Variants in GLB1L3 observed in about 807,000 individuals in gnomAD.
GLB1L3 encodes the protein beta-galactosidase-1-like protein 3.
A neutral mutation model predicts 89.5 loss-of-function variants in GLB1L3; 89 were observed. That is an observed-to-expected ratio of 0.99 (90% CI 0.84 to 1.19). The LOEUF (loss-of-function observed/expected upper bound fraction) is 1.19, where lower values mean the gene tolerates loss of function less well. Ranked by LOEUF, GLB1L3 falls within the 50% of genes most tolerant of loss-of-function variation. The pLI is 0.00. For missense variants in GLB1L3, 812 were observed against 813.3 expected (o/e 1.00, Z 0.02); for synonymous variants, 314 against 312.3 (o/e 1.01, Z -0.06).
intron 3 of GLB1L3, 81 bp from the exon 4 acceptor site, chr11:134,281,296 G>A: frequency 6.6e-7 from 1 of 1,514,926 alleles, no homozygotes; most frequent in Non-Finnish European, 9.2e-7. Context: ...GCATGGTTTT[G>A]GCTTGGATTT....
Position 134,313,434 on chromosome 11 carries a change from A to G in GLB1L3, c.1539A>G (p.Gly513=), listed in dbSNP as rs1942838729. 6.3e-7 allele frequency: 1 copy of G among 1,584,598 alleles called. No individual in the cohort carries two copies. Among genetic ancestry groups the G allele is most frequent in the Non-Finnish European group, 8.6e-7 (1 of 1,165,224 alleles). ...RYLRILVENQ[G]RVNFSWQIQN... is the part of the protein sequence containing the mutation. ...TGAGGATCCTGGTGGAGAATCAAGGACGAGTCAATTTTTCATGGCAAATAC... is the reference window on the plus strand; with the variant it reads ...TGAGGATCCTGGTGGAGAATCAAGGGCGAGTCAATTTTTCATGGCAAATAC... Residue 513 remains glycine, a synonymous_variant, in exon 16 of 20, where the codon GGA becomes GGG. Transcript: ENST00000431683.
At chr11:134,278,980 A>G (rs1940533943) in intron 3 of GLB1L3, among the ~76,000 whole-genome samples, 1 of 152,234 alleles carries the variant, frequency 6.6e-6, no homozygotes, top group Non-Finnish European at 1.5e-5. Context: ...CACACATTAC[A>G]TACACACAGA....
intron 9 of GLB1L3, among the ~76,000 whole-genome samples, chr11:134,302,810 G>C (rs536461885): frequency 1.3e-5 from 2 of 152,220 alleles, no homozygotes; most frequent in African/African-American, 4.8e-5. Flanking sequence ...GCGGTACTGG[G>C]TGCAGTATTC....
At position 134,312,430 on chromosome 11, in the gene GLB1L3, T is replaced by C. The variant is rs1942777526; in HGVS notation, c.1369T>C (p.Tyr457His). ...GSGQSYGLVL[Y>H]EKSICSGGRL... Reference sequence around the variant, plus strand: ...CGGCCAGTCCTACGGGCTTGTCCTGTATGAGAAGTCCATCTGCTCCGGAGG... The same window carrying C: ...CGGCCAGTCCTACGGGCTTGTCCTGCATGAGAAGTCCATCTGCTCCGGAGG... The change falls in exon 14 of 20, where the codon TAT (tyrosine) becomes CAT (histidine). Residue 457 changes from tyrosine (Y) to histidine (H), a missense_variant. This residue lies in a region of GLB1L3 where 618 missense variants were observed against 604.0 expected (regional missense o/e 1.02). Transcript: ENST00000431683. The C allele has an allele frequency of 1.2e-6, 2 of 1,613,688 alleles. No homozygotes were observed.
At chr11:134,293,893 C>A (rs577406928) in intron 9 of GLB1L3, among the ~76,000 whole-genome samples, 166 of 152,218 alleles carry the variant, frequency 1.1e-3, no homozygotes, top group African/African-American at 3.8e-3. Context: ...AGCTGGGCCG[C>A]TGTGAGCCTC....
At chr11:134,290,594 GAAAAAA>G (rs928517505) in intron 7 of GLB1L3, among the ~76,000 whole-genome samples, 6 of 111,824 alleles carry the variant, frequency 5.4e-5, no homozygotes, top group Admixed American at 1.9e-4. Flanking sequence ...AAAAAGAAAA[GAAAAAA>G]AAAGAAAAAG....
chr11:134,312,058 A>G, intron 13 of GLB1L3: 1 of 277,194 alleles, frequency 3.6e-6, no homozygotes, highest in Non-Finnish European at 6.7e-6. Context: ...CGGCCTCCCA[A>G]AGTGCTGGGA....
intron 18 of GLB1L3, among the ~76,000 whole-genome samples, chr11:134,317,334 C>G (rs939277560): frequency 3.3e-5 from 5 of 152,178 alleles, no homozygotes; most frequent in African/African-American, 1.2e-4. Flanking sequence ...CCACGCTAGC[C>G]TGCAAGGTTT....
At chr11:134,311,811 TC>T (rs1302884490) in intron 13 of GLB1L3, 1 of 152,714 alleles carries the variant, frequency 6.5e-6, no homozygotes, top group Non-Finnish European at 1.5e-5. Flanking sequence ...TCTTTTTTTT[TC>T]TTGAGACAGG....
At chr11:134,320,358 T>C (rs1367795757), downstream of GLB1L3, among the ~76,000 whole-genome samples, 1 of 152,152 alleles carries the variant, frequency 6.6e-6, no homozygotes, top group African/African-American at 2.4e-5. Context: ...TAAAACTTTA[T>C]TCTCTGGGGA....
At chr11:134,288,712 G>T (rs1447969028) in intron 6 of GLB1L3, 86 bp from the exon 7 acceptor site, 1 of 902,272 alleles carries the variant, frequency 1.1e-6, no homozygotes. Context: ...CGCACCAGCT[G>T]TGCAGCCTTC....
At chr11:134,296,852 ATAATAATAATAAAAAC>A (rs1207196737) in intron 9 of GLB1L3, among the ~76,000 whole-genome samples, 3 of 132,876 alleles carry the variant, frequency 2.3e-5, no homozygotes, top group Non-Finnish European at 3.3e-5. Flanking sequence ...AATAATAATA[ATAATAATAATAAAAAC>A]AAACAAACAA....
intron 9 of GLB1L3, among the ~76,000 whole-genome samples, chr11:134,297,267 G>A (rs1408094216): frequency 6.6e-6 from 1 of 151,892 alleles, no homozygotes; most frequent in Non-Finnish European, 1.5e-5. Flanking sequence ...CTTAACATCT[G>A]TATTTAAAAT....
At chr11:134,309,878 A>C in intron 11 of GLB1L3, 115 bp downstream of exon 11, 1 of 1,135,858 alleles carries the variant, frequency 8.8e-7, no homozygotes, top group Non-Finnish European at 1.2e-6. Context: ...ATCTATGCTG[A>C]GTACTGAAGA....
intron 14 of GLB1L3, 81 bp from the exon 15 acceptor site, chr11:134,312,735 C>G: frequency 8.4e-7 from 1 of 1,192,138 alleles, no homozygotes; most frequent in Non-Finnish European, 1.2e-6. Context: ...TCATACTGAC[C>G]TCCTTCTCCC....
chr11:134,285,991 T>C (rs1940964979), intron 6 of GLB1L3, among the ~76,000 whole-genome samples: 1 of 148,294 alleles, frequency 6.7e-6, no homozygotes, highest in African/African-American at 2.5e-5. Flanking sequence ...TCACCGCAAC[T>C]TCCACCTCCT....
rs1372997269 is a variant in GLB1L3, at chr11:134,301,214, G to A, written c.877-5910G>A. Reference sequence around the variant, plus strand: ...TGGATTTTAGGTATTTGGTTGCTCTGTGACCTAGGTTCTCTGATGGACCCA... The same window carrying A: ...TGGATTTTAGGTATTTGGTTGCTCTATGACCTAGGTTCTCTGATGGACCCA... On this transcript the variant is annotated intron_variant, in intron 9 of 19. Transcript: ENST00000431683. Among the ~76,000 whole-genome samples the A allele has an allele frequency of 2.6e-5, 4 of 152,272 alleles. No individual in the cohort carries two copies. In the East Asian group the frequency reaches 7.7e-4, roughly 29 times the overall value.
At chr11:134,285,580 G>A (rs1395463748) in intron 6 of GLB1L3, among the ~76,000 whole-genome samples, 1 of 152,074 alleles carries the variant, frequency 6.6e-6, no homozygotes, top group African/African-American at 2.4e-5. Context: ...GAGCCCAGGA[G>A]TACAAGACCA....
chr11:134,323,716 C>A (rs1943192716), downstream of GLB1L3, among the ~76,000 whole-genome samples: 1 of 152,214 alleles, frequency 6.6e-6, no homozygotes, highest in African/African-American at 2.4e-5. Flanking sequence ...TCAGCACATT[C>A]CAGCAAATAA....
Sources: allele counts gnomAD v4.1 joint callset (sites outside exome capture counted in the v4.1 genomes callset), GRCh38; gene constraint gnomAD v4.1.1; regional missense constraint gnomAD v4.1.1; transcripts MANE v1.5; gene names NCBI Gene and HGNC (gene_info 2026-07-23, HGNC 2026-07-21).